Variants in MRTFA observed in about 807,000 individuals in gnomAD.
MRTFA encodes the protein myocardin-related transcription factor A.
In MRTFA, 20 loss-of-function variants were observed where a neutral mutation model predicts 83.5. The ratio of observed to expected loss-of-function variants is 0.24; its 90% CI spans 0.17 to 0.35. MRTFA has a LOEUF of 0.35. Among genes scored for constraint, MRTFA ranks in the 10% least tolerant of loss-of-function variants. The probability of loss-of-function intolerance (pLI) is 1.00; values close to 1 mark genes in which losing one functional copy is unlikely to be tolerated. For synonymous variants in MRTFA, 659 were observed against 541.2 expected (o/e 1.22, Z -3.02); for missense variants, 1,200 against 1,224.7 (o/e 0.98, Z 0.30).
intron 1 of MRTFA, among the ~76,000 whole-genome samples, chr22:40,622,503 G>A (rs73169077): frequency 0.087 from 11,705 of 133,828 alleles, 711 homozygotes; most frequent in East Asian, 0.31. Context: ...GAATTATCCA[G>A]GTGGGCTCTA....
At chr22:40,451,236 C>T (rs2053480171) in intron 4 of MRTFA, among the ~76,000 whole-genome samples, 1 of 152,120 alleles carries the variant, frequency 6.6e-6, no homozygotes, top group African/African-American at 2.4e-5. Flanking sequence ...AATCCTTTAA[C>T]AAAGACCATC....
At chr22:40,457,502 G>GAA (rs2053617387) in intron 4 of MRTFA, among the ~76,000 whole-genome samples, 5 of 143,630 alleles carry the variant, frequency 3.5e-5, no homozygotes, top group South Asian at 2.3e-4. Flanking sequence ...AAGAAAGAAA[G>GAA]AGAAAGAAAG....
Position 40,519,575 on chromosome 22 carries a change from A to G in MRTFA, c.241+32531T>C. The G allele has an allele frequency of 2.2e-6, 3 of 1,344,942 alleles. No homozygotes were observed. The Admixed American group carries it at 6.8e-5, about 30-fold the overall frequency. The allele number at this position is 1,344,942 out of a possible 1,614,324, so 83.3% of individuals were successfully genotyped here. On this transcript the variant is annotated intron_variant, in intron 3 of 14. Transcript: ENST00000355630. ...CACTCCAAAGTGGAGGTGAAAGGCA[A>G]TCACGCTGATTTGTTATACCCAATT...
chr22:40,618,357 T>C (rs1024410420), intron 1 of MRTFA, among the ~76,000 whole-genome samples: 1 of 151,676 alleles, frequency 6.6e-6, no homozygotes, highest in Non-Finnish European at 1.5e-5. Context: ...CCCAAAGTGC[T>C]GGGATTACAG....
intron 1 of MRTFA, among the ~76,000 whole-genome samples, chr22:40,605,484 G>A (rs979965408): frequency 6.6e-6 from 1 of 152,192 alleles, no homozygotes; most frequent in Non-Finnish European, 1.5e-5. Flanking sequence ...CAGTATGTGT[G>A]CACCTTGTAG....
In MRTFA at chr22:40,416,854, C is replaced by T. The variant is rs1027967212; in HGVS notation, c.2578+132G>A. 6 of 834,446 alleles carry T rather than the reference C, an allele frequency of 7.2e-6. No individual in the cohort carries two copies. In the African/African-American group the frequency reaches 8.7e-5, roughly 12 times the overall value. The allele number at this position is 834,446 out of a possible 1,614,324, so 51.7% of individuals were successfully genotyped here. ...TTGGAGACGGGAGGGCTCACAGCCA[C>T]CACTGCATCCACAGTGCTTGCCCAA... On this transcript the variant is annotated intron_variant, in intron 14 of 14. Transcript: ENST00000355630. The surrounding 1 kb of genome is among the most constrained non-coding windows in gnomAD (Gnocchi z 4.2).
chr22:40,590,735 CTGAG>C (rs1290591740), intron 2 of MRTFA, among the ~76,000 whole-genome samples: 2 of 150,514 alleles, frequency 1.3e-5, no homozygotes, highest in South Asian at 4.2e-4. Flanking sequence ...ACATCTTTTA[CTGAG>C]TATCTGAATA....
intron 7 of MRTFA, among the ~76,000 whole-genome samples, chr22:40,428,774 A>C (rs1433682240): frequency 6.6e-6 from 1 of 151,968 alleles, no homozygotes; most frequent in African/African-American, 2.4e-5. Flanking sequence ...CTCCCGCCTC[A>C]GACTACCAAA....
intron 5 of MRTFA, among the ~76,000 whole-genome samples, chr22:40,432,018 G>C (rs1321827433): frequency 6.6e-6 from 1 of 152,108 alleles, no homozygotes; most frequent in African/African-American, 2.4e-5. Flanking sequence ...GGCCAAGGTG[G>C]GTGGATCACC....
intron 2 of MRTFA, among the ~76,000 whole-genome samples, chr22:40,578,222 G>A (rs947589280): frequency 6.6e-6 from 1 of 152,134 alleles, no homozygotes; most frequent in Admixed American, 6.5e-5. Flanking sequence ...CCAGAGTGCT[G>A]GGATTACAGG....
intron 3 of MRTFA, among the ~76,000 whole-genome samples, chr22:40,519,026 T>G (rs940592575): frequency 6.6e-6 from 1 of 151,450 alleles, no homozygotes; most frequent in Non-Finnish European, 1.5e-5. Context: ...GGTTTTTTTT[T>G]TTTGAAGCAG....
At chr22:40,430,383 AAGGCTG>A (rs2053043603) in intron 6 of MRTFA, among the ~76,000 whole-genome samples, 1 of 151,974 alleles carries the variant, frequency 6.6e-6, no homozygotes, top group Non-Finnish European at 1.5e-5. Flanking sequence ...AGCGACTCGG[AAGGCTG>A]AGACAGGAGA....
chr22:40,580,309 C>T (rs1457944958), intron 2 of MRTFA, among the ~76,000 whole-genome samples: 1 of 152,092 alleles, frequency 6.6e-6, no homozygotes, highest in Non-Finnish European at 1.5e-5. Flanking sequence ...AGCATTCCTC[C>T]CACCTTAGCC....
intron 1 of MRTFA, among the ~76,000 whole-genome samples, chr22:40,635,573 C>T (rs1002186486): frequency 6.6e-6 from 1 of 152,162 alleles, no homozygotes; most frequent in Non-Finnish European, 1.5e-5. Context: ...ATTCAACTGC[C>T]CTTTCGTTAT....
rs1422208823 is a variant in MRTFA at position 40,411,827 on chromosome 22, G to C, written c.2659C>G (p.Leu887Val). Residue 887 changes from leucine (L) to valine (V), a missense_variant, in exon 15 of 15, where the codon CTG becomes GTG. Leu to Val is a conservative substitution (Grantham distance 32). Around this residue, in one of 2 missense-constraint regions of MRTFA, gnomAD observed 1,107 missense variants for 1,041.8 expected, o/e 1.06. Coordinates refer to ENST00000355630, the MANE Select transcript of MRTFA (RefSeq NM_020831.6). ...GCAGAAGGTGATGGCTGTGCTGCCA[G>C]GGGGGACCCACAGACTGTCTTCGGG... is the stretch of plus-strand genomic sequence containing the variant. 6.6e-7 allele frequency: 1 copy of C among 1,512,486 alleles called. No individual in the cohort carries two copies. Among genetic ancestry groups the C allele is most frequent in the Non-Finnish European group, 8.9e-7 (1 of 1,127,442 alleles). 93.7% of individuals were successfully genotyped at this position (1,512,486 alleles called of 1,614,324 possible). A position where few individuals can be genotyped will look rare whatever the true frequency, so the allele number is the denominator to read the frequency against.
rs996869507 is a variant in MRTFA at position 40,460,379 on chromosome 22, C to G, written c.307+2842G>C. On this transcript the variant is annotated intron_variant, in intron 4 of 14. Transcript: ENST00000355630. ...CTCAATCTGTGCACTGCTTTTAGAC[C>G]CTGAACATACTACAGGTCCTGAGAA... Among the ~76,000 whole-genome samples the G allele has an allele frequency of 2.6e-5, 4 of 152,228 alleles. No individual in the cohort carries two copies. In the East Asian group the frequency reaches 7.7e-4, roughly 29 times the overall value.
Position 40,410,354 on chromosome 22 carries a change from T to TGGTGACTCCACCCCTACTCCC in MRTFA, c.*1015_*1035dup, listed in dbSNP as rs1319528671. On this transcript the variant is annotated 3_prime_UTR_variant, in exon 15 of 15. Coordinates refer to ENST00000355630, the MANE Select transcript of MRTFA (RefSeq NM_020831.6). ...CCCATCTTTGTCCCAGCACTGGTTTTGGTGACTCCACCCCTACTCCCCTAT... is the reference window on the plus strand; with the variant it reads ...CCCATCTTTGTCCCAGCACTGGTTTTGGTGACTCCACCCCTACTCCCGGTGACTCCACCCCTACTCCCCTAT... The TGGTGACTCCACCCCTACTCCC allele has an allele frequency of 3.6e-6, 1 of 277,172 alleles. No individual in the cohort carries two copies. Among genetic ancestry groups the TGGTGACTCCACCCCTACTCCC allele is most frequent in the Non-Finnish European group, 6.3e-6 (1 of 158,594 alleles). 17.2% of individuals were successfully genotyped at this position (277,172 alleles called of 1,614,324 possible). A position where few individuals can be genotyped will look rare whatever the true frequency, so the allele number is the denominator to read the frequency against.
chr22:40,433,802 T>C (rs2053115649), intron 5 of MRTFA, among the ~76,000 whole-genome samples: 1 of 152,254 alleles, frequency 6.6e-6, no homozygotes, highest in African/African-American at 2.4e-5. Flanking sequence ...ATGTTTCATA[T>C]CTCAACTAAG....
chr22:40,533,943 A>T (rs2055125007), intron 3 of MRTFA: 2 of 276,474 alleles, frequency 7.2e-6, no homozygotes, highest in Non-Finnish European at 1.4e-5. Flanking sequence ...GGAGAGACAT[A>T]TATAAAGAGA....
Sources: allele counts gnomAD v4.1 joint callset (sites outside exome capture counted in the v4.1 genomes callset), GRCh38; gene constraint gnomAD v4.1.1; regional missense constraint gnomAD v4.1.1; non-coding constraint Gnocchi (gnomAD v3.1); transcripts MANE v1.5; gene names NCBI Gene and HGNC (gene_info 2026-07-23, HGNC 2026-07-21).